The following EVC2 variants were observed in gnomAD, a reference collection of about 807,000 sequenced individuals.
The protein encoded by EVC2 is limbin.
EVC2 carries 148 observed loss-of-function variants against 149.3 expected under a neutral mutation model. That is an observed-to-expected ratio of 0.99 (90% CI 0.87 to 1.14). The LOEUF (loss-of-function observed/expected upper bound fraction) is 1.14, where lower values mean the gene tolerates loss of function less well. EVC2 is among the 50% of genes most tolerant of loss of function. EVC2 has a pLI of 0.00. For missense variants in EVC2, 1,854 were observed against 1,627.3 expected, an observed-to-expected ratio of 1.14 and a Z score of -2.40; for synonymous variants, 776 against 649.9, an observed-to-expected ratio of 1.19 and a Z score of -2.95.
chr4:5,700,258 ACT>A (rs1721745048), intron 1 of EVC2, among the ~76,000 whole-genome samples: 1 of 152,120 alleles, frequency 6.6e-6, no homozygotes, highest in Non-Finnish European at 1.5e-5. Flanking sequence ...TAAATCTAAA[ACT>A]CTTCTAAAAA....
downstream of EVC2, among the ~76,000 whole-genome samples, chr4:5,542,216 C>G (rs1721526502): frequency 6.6e-6 from 1 of 152,162 alleles, no homozygotes; most frequent in Admixed American, 6.5e-5. Context: ...CTTTGGGAAG[C>G]TGAGGTGGGA....
At chr4:5,596,817 G>C (rs567277356) in intron 16 of EVC2, among the ~76,000 whole-genome samples, 2 of 152,258 alleles carry the variant, frequency 1.3e-5, no homozygotes, top group African/African-American at 2.4e-5. Context: ...TAGACCGCTA[G>C]CAAGACTAAT....
intron 3 of EVC2, among the ~76,000 whole-genome samples, chr4:5,693,962 G>A (rs1721293422): frequency 6.6e-6 from 1 of 152,198 alleles, no homozygotes; most frequent in Non-Finnish European, 1.5e-5. Flanking sequence ...CATAGAAAGT[G>A]CTAAACCCAG....
chr4:5,639,501 G>C (rs183100809), intron 10 of EVC2, among the ~76,000 whole-genome samples: 2 of 152,340 alleles, frequency 1.3e-5, no homozygotes, highest in East Asian at 3.9e-4. Context: ...TGAGCTGAGA[G>C]CCTTCTGCAG....
At chr4:5,585,849 C>T (rs867676251) in intron 16 of EVC2, among the ~76,000 whole-genome samples, 1 of 151,732 alleles carries the variant, frequency 6.6e-6, no homozygotes, top group Admixed American at 6.6e-5. Context: ...ATTTTTTTAT[C>T]TAGCTGTTGT....
At chr4:5,673,818 C>T (rs1719821978) in intron 7 of EVC2, among the ~76,000 whole-genome samples, 1 of 152,206 alleles carries the variant, frequency 6.6e-6, no homozygotes, top group Admixed American at 6.5e-5. Flanking sequence ...AATATATTCA[C>T]AGTCTTGTGG....
intron 17 of EVC2, among the ~76,000 whole-genome samples, chr4:5,580,500 A>G (rs1298681270): frequency 6.6e-6 from 1 of 152,218 alleles, no homozygotes; most frequent in East Asian, 1.9e-4. Context: ...AAACAGCACA[A>G]CTATGTGTTT....
intron 5 of EVC2, among the ~76,000 whole-genome samples, chr4:5,688,855 T>C (rs1386990156): frequency 1.3e-5 from 2 of 152,254 alleles, no homozygotes; most frequent in African/African-American, 4.8e-5. Context: ...TCTATCTTTG[T>C]GCATGTTTGA....
chr4:5,705,431 T>C (rs1046910592), intron 1 of EVC2, among the ~76,000 whole-genome samples: 5 of 152,212 alleles, frequency 3.3e-5, no homozygotes, highest in African/African-American at 1.2e-4. Flanking sequence ...GTGCTGATTA[T>C]ATTTATCAAC....
intron 3 of EVC2, among the ~76,000 whole-genome samples, chr4:5,692,792 G>A (rs545759314): frequency 0.013 from 1,935 of 148,588 alleles, 15 homozygotes; most frequent in Non-Finnish European, 0.021. Flanking sequence ...GCGTGAACCC[G>A]GGAAGCGGAG....
chr4:5,707,117 C>T (rs1560244579), intron 1 of EVC2, among the ~76,000 whole-genome samples: 1 of 152,280 alleles, frequency 6.6e-6, no homozygotes, highest in East Asian at 1.9e-4. Context: ...CAGGACAGGC[C>T]TGGGGACGCG....
At chr4:5,555,595 A>T (rs1425286608) in intron 21 of EVC2, among the ~76,000 whole-genome samples, 1 of 152,216 alleles carries the variant, frequency 6.6e-6, no homozygotes, top group African/African-American at 2.4e-5. Flanking sequence ...TCAATTCATC[A>T]CCATATATAA....
Position 5,615,495 on chromosome 4 carries a change from T to C in EVC2, c.2756A>G (p.Glu919Gly), listed in dbSNP as rs1715177963. 1.2e-6 allele frequency: 2 copies of C among 1,614,082 alleles called. No homozygotes were observed. The highest frequency in any genetic ancestry group is 1.7e-6 in the Non-Finnish European group (2 of 1,180,038). The change falls in exon 16 of 22, where the codon GAG (glutamate) becomes GGG (glycine). Residue 919 changes from glutamate to glycine, a missense_variant. Transcript: ENST00000344408. ...GTCTTCGATGCACTTCTTCAGAAGC[T>C]CTCCCTTGCTTTTACTCTTGGACCG... is the stretch of plus-strand genomic sequence containing the variant. ...KSRSKSKSKGELLKKCIEDKI... is the reference protein window; with the variant it reads ...KSRSKSKSKGGLLKKCIEDKI...
rs111282141 is a variant in EVC2 at position 5,594,492 on chromosome 4, A to G, written c.2830-9642T>C. Among the ~76,000 whole-genome samples the G allele has an allele frequency of 1.3e-3, 202 of 152,328 alleles. 1 individual carries two copies. The highest frequency in any genetic ancestry group is 4.4e-3 in the African/African-American group (181 of 41,586). On this transcript the variant is annotated intron_variant, in intron 16 of 21. Transcript: ENST00000344408. ...TGGAGTGGACCTCTAGCAAACTCCA[A>G]CAGACCTGCAGCTGAGGGTCTTGTC... is the stretch of plus-strand genomic sequence containing the variant.
At position 5,708,433 on chromosome 4, in the gene EVC2, G is replaced by C. The variant is rs1722361289; in HGVS notation, c.81C>G (p.Gly27=). Residue 27 remains glycine (G), a synonymous_variant, in exon 1 of 22, where the codon GGC becomes GGG. Coordinates refer to ENST00000344408, the MANE Select transcript of EVC2 (RefSeq NM_147127.5). ...GTGAGCTGGCGCCGAGACAGCCTCG[G>C]CCCCCCAGCGCCAGGGCCACTGCCA... The part of the protein sequence containing the change: ...GLLAVALALG[G]RGCLGASSRP... The C allele has an allele frequency of 6.7e-7, 1 of 1,503,738 alleles. No homozygotes were observed. Among genetic ancestry groups the C allele is most frequent in the Admixed American group, 2.1e-5 (1 of 47,968 alleles). 93.1% of individuals were successfully genotyped at this position (1,503,738 alleles called of 1,614,324 possible). A position where few individuals can be genotyped will look rare whatever the true frequency, so the allele number is the denominator to read the frequency against.
At chr4:5,577,432 C>T (rs1055695658) in intron 17 of EVC2, among the ~76,000 whole-genome samples, 2 of 152,148 alleles carry the variant, frequency 1.3e-5, no homozygotes, top group African/African-American at 2.4e-5. Flanking sequence ...CCAGTATTTA[C>T]CAGATTGGTC....
intron 21 of EVC2, among the ~76,000 whole-genome samples, chr4:5,554,892 G>T (rs529443649): frequency 6.6e-6 from 1 of 152,194 alleles, no homozygotes; most frequent in Non-Finnish European, 1.5e-5. Flanking sequence ...AGAAGGAAAT[G>T]TATTTAATTC....
Position 5,625,961 on chromosome 4 carries a change from C to T in EVC2, c.1887-53G>A. On this transcript the variant is annotated intron_variant, in intron 12 of 21. Transcript: ENST00000344408. This position sits in a 1 kb window ranked among gnomAD's most constrained non-coding sequence, Gnocchi z 4.0. ...ATGTGGTCTCCAAACTCACCTGTAG[C>T]TTAACTGCTATTGTGCCTGAACATT... 2 of 1,604,284 alleles carry T rather than the reference C, an allele frequency of 1.2e-6. No homozygotes were observed. The highest frequency in any genetic ancestry group is 1.7e-6 in the Non-Finnish European group (2 of 1,173,154).
intron 16 of EVC2, among the ~76,000 whole-genome samples, chr4:5,593,866 C>G (rs992777980): frequency 6.6e-6 from 1 of 152,206 alleles, no homozygotes; most frequent in Admixed American, 6.5e-5. Context: ...CACTCCCACC[C>G]TAACACTGCG....
Sources: gnomAD v4.1 joint callset for allele counts (sites outside exome capture counted in the v4.1 genomes callset) on GRCh38, gnomAD v4.1.1 for gene constraint, Gnocchi (gnomAD v3.1) non-coding constraint, MANE v1.5 for transcripts, NCBI Gene and HGNC (gene_info 2026-07-23, HGNC 2026-07-21) for gene names.